PPP3CA: variants seen among roughly 807,000 people sequenced by gnomAD.
PPP3CA encodes protein phosphatase 3 catalytic subunit alpha, also known as CAM-PRP catalytic subunit.
A neutral mutation model predicts 66.5 loss-of-function variants in PPP3CA; 14 were observed. The ratio of observed to expected loss-of-function variants is 0.21; its 90% CI spans 0.14 to 0.33. The LOEUF (loss-of-function observed/expected upper bound fraction) is 0.33. Among genes scored for constraint, PPP3CA ranks in the 10% least tolerant of loss-of-function variants. The pLI, the probability that PPP3CA is intolerant of heterozygous loss-of-function variation, is 1.00. For missense variants in PPP3CA, 317 were observed against 639.5 expected (o/e 0.50, Z 5.44); for synonymous variants, 232 against 226.2 (o/e 1.03, Z -0.23).
At chr4:101,285,164 C>T (rs922621839) in intron 1 of PPP3CA, among the ~76,000 whole-genome samples, 27 of 152,166 alleles carry the variant, frequency 1.8e-4, no homozygotes, top group African/African-American at 6.3e-4. Context: ...CCACACAGCA[C>T]CGAGATTTTA....
At chr4:101,243,455 C>A (rs897701348) in intron 1 of PPP3CA, among the ~76,000 whole-genome samples, 1 of 151,922 alleles carries the variant, frequency 6.6e-6, no homozygotes, top group Non-Finnish European at 1.5e-5. Context: ...TGGATTCAAC[C>A]AAAGGCAAAT....
At chr4:101,143,631 C>G (rs187105207) in intron 2 of PPP3CA, among the ~76,000 whole-genome samples, 6 of 152,310 alleles carry the variant, frequency 3.9e-5, no homozygotes, top group Non-Finnish European at 7.4e-5. Context: ...TCAGGTTCCA[C>G]TAGACTATTG....
rs563829555 is a variant in PPP3CA at position 101,324,369 on chromosome 4, G to A, written c.58+22370C>T. Among the ~76,000 whole-genome samples the A allele has an allele frequency of 1.4e-4, 21 of 152,146 alleles. No homozygotes were observed. In the East Asian group the frequency reaches 2.9e-3, roughly 21 times the overall value. On this transcript the variant is annotated intron_variant, in intron 1 of 13. Transcript: ENST00000394854. ...TCCACCATATGCAACTAAAGGTAAGGAGCACATAGAAACTCCATTTCTCCC... is the reference window on the plus strand; with the variant it reads ...TCCACCATATGCAACTAAAGGTAAGAAGCACATAGAAACTCCATTTCTCCC...
chr4:101,027,909 T>C (rs964813813), intron 13 of PPP3CA, among the ~76,000 whole-genome samples: 4 of 152,176 alleles, frequency 2.6e-5, no homozygotes, highest in East Asian at 3.9e-4. Flanking sequence ...GCAATTTACA[T>C]TGGTAGTATA....
At chr4:101,104,596 TA>T (rs1241227662) in intron 3 of PPP3CA, among the ~76,000 whole-genome samples, 2 of 152,146 alleles carry the variant, frequency 1.3e-5, no homozygotes, top group Admixed American at 1.3e-4. Context: ...ACTGCACTCA[TA>T]AAAGGAACGT....
rs185893579 is a variant in PPP3CA, at chr4:101,335,879, G to A, written c.58+10860C>T. Among the ~76,000 whole-genome samples, 8 of 152,186 alleles carry A rather than the reference G, an allele frequency of 5.3e-5. No homozygotes were observed. The East Asian group carries it at 1.5e-3, about 29-fold the overall frequency. On this transcript the variant is annotated intron_variant, in intron 1 of 13. Coordinates refer to ENST00000394854, the MANE Select transcript of PPP3CA (RefSeq NM_000944.5). ...TCAAGGGACTCCAATAGACTGACCT[G>A]GATTTAAAGGTAGACTCCTAGGATG...
intron 1 of PPP3CA, among the ~76,000 whole-genome samples, chr4:101,278,122 T>TAAAAAAAAAAAAAAAAAAAAAAAAA (rs3077992): frequency 3.4e-4 from 38 of 112,140 alleles, no homozygotes; most frequent in African/African-American, 1.5e-3. Flanking sequence ...AAGCTATTAG[T>TAAAAAAAAAAAAAAAAAAAAAAAAA]AAAAAAAAAA....
At chr4:101,188,938 A>C (rs1724499553) in intron 2 of PPP3CA, among the ~76,000 whole-genome samples, 1 of 152,148 alleles carries the variant, frequency 6.6e-6, no homozygotes, top group Non-Finnish European at 1.5e-5. Context: ...ATATACCAAG[A>C]CAGTAACTTT....
intron 8 of PPP3CA, among the ~76,000 whole-genome samples, chr4:101,079,948 T>C (rs2110238676): frequency 6.6e-6 from 1 of 152,318 alleles, no homozygotes; most frequent in East Asian, 1.9e-4. Context: ...TTAAGTGACC[T>C]TGGACAAGGC....
At chr4:101,296,799 T>C (rs1251606331) in intron 1 of PPP3CA, among the ~76,000 whole-genome samples, 1 of 152,182 alleles carries the variant, frequency 6.6e-6, no homozygotes, top group Admixed American at 6.5e-5. Flanking sequence ...TAAAAAGTCA[T>C]ACATCTAAAA....
chr4:101,251,501 A>T (rs1726675932), intron 1 of PPP3CA, among the ~76,000 whole-genome samples: 2 of 152,108 alleles, frequency 1.3e-5, no homozygotes, highest in Non-Finnish European at 2.9e-5. Context: ...TCCAACAATG[A>T]CTAGTTCTTC....
At chr4:101,064,180 G>A (rs759807325) in intron 8 of PPP3CA, among the ~76,000 whole-genome samples, 1 of 151,874 alleles carries the variant, frequency 6.6e-6, no homozygotes, top group Non-Finnish European at 1.5e-5. Flanking sequence ...AAATCTGCAT[G>A]CTTCATGTCT....
intron 1 of PPP3CA, among the ~76,000 whole-genome samples, chr4:101,343,991 G>C (rs750240531): frequency 1.3e-5 from 2 of 151,906 alleles, no homozygotes; most frequent in African/African-American, 2.4e-5. Flanking sequence ...ATAACAATCT[G>C]AATATTTATT....
chr4:101,267,884 T>C (rs1235656117), intron 1 of PPP3CA, among the ~76,000 whole-genome samples: 1 of 151,162 alleles, frequency 6.6e-6, no homozygotes, highest in Non-Finnish European at 1.5e-5. Context: ...CATAAGAAGA[T>C]GGTTTTTAAA....
intron 1 of PPP3CA, among the ~76,000 whole-genome samples, chr4:101,230,099 T>C (rs573234724): frequency 2.8e-4 from 42 of 151,850 alleles, no homozygotes; most frequent in African/African-American, 9.4e-4. Flanking sequence ...CCATGAGATC[T>C]GGATTATTTT....
At chr4:101,251,216 C>A (rs1026343498) in intron 1 of PPP3CA, among the ~76,000 whole-genome samples, 9 of 151,808 alleles carry the variant, frequency 5.9e-5, no homozygotes, top group Admixed American at 5.9e-4. Flanking sequence ...CTGGGGAGAG[C>A]TGAACAAAGT....
intron 5 of PPP3CA, among the ~76,000 whole-genome samples, chr4:101,097,301 A>G (rs895765734): frequency 1.3e-5 from 2 of 152,128 alleles, no homozygotes; most frequent in African/African-American, 2.4e-5. Context: ...AAAGGTTAGA[A>G]TTATTTTCAC....
At chr4:101,148,850 G>A (rs1723048147) in intron 2 of PPP3CA, among the ~76,000 whole-genome samples, 1 of 152,056 alleles carries the variant, frequency 6.6e-6, no homozygotes, top group Non-Finnish European at 1.5e-5. Flanking sequence ...AGTAAAGCTG[G>A]CAAATCTCTC....
intron 2 of PPP3CA, among the ~76,000 whole-genome samples, chr4:101,144,290 C>A (rs1722897878): frequency 6.6e-6 from 1 of 152,172 alleles, no homozygotes; most frequent in African/African-American, 2.4e-5. Flanking sequence ...TACGTATATA[C>A]TAAAAGCTTA....
Sources: allele counts gnomAD v4.1 joint callset (sites outside exome capture counted in the v4.1 genomes callset), GRCh38; gene constraint gnomAD v4.1.1; transcripts MANE v1.5; gene names NCBI Gene and HGNC (gene_info 2026-07-23, HGNC 2026-07-21).